PTGER4: variants seen among roughly 807,000 people sequenced by gnomAD.
PTGER4 encodes prostaglandin E receptor 4.
A neutral mutation model predicts 33.2 loss-of-function variants in PTGER4; 11 were observed. The observed-to-expected ratio is 0.33, with a 90% CI of 0.21 to 0.55. The LOEUF (loss-of-function observed/expected upper bound fraction) is 0.55. Among genes scored for constraint, PTGER4 ranks in the 20% least tolerant of loss-of-function variants. PTGER4 has a pLI of 0.92. For missense variants in PTGER4, 481 were observed against 650.2 expected, an observed-to-expected ratio of 0.74 and a Z score of 2.83; for synonymous variants, 275 against 281.5, an observed-to-expected ratio of 0.98 and a Z score of 0.23.
At chr5:40,697,595 A>AC (rs1741642695), downstream of PTGER4, among the ~76,000 whole-genome samples, 1 of 78,990 alleles carries the variant, frequency 1.3e-5, no homozygotes, top group Non-Finnish European at 2.5e-5. Flanking sequence ...AAAAAAAAAC[A>AC]AAAAAACAAA....
At chr5:40,686,042 C>G (rs1434787037) in intron 2 of PTGER4, among the ~76,000 whole-genome samples, 1 of 152,130 alleles carries the variant, frequency 6.6e-6, no homozygotes, top group African/African-American at 2.4e-5. Context: ...GAACCAAGCT[C>G]TCCTACACAC....
At chr5:40,739,013 CAATT>C in the PTGER4 span, among the ~76,000 whole-genome samples, 1 of 152,156 alleles carries the variant, frequency 6.6e-6, no homozygotes, top group East Asian at 1.9e-4. Flanking sequence ...TTCATGTTCT[CAATT>C]AAGCCTTTTA....
At chr5:40,719,128 TCACAGTCA>T in the PTGER4 span, among the ~76,000 whole-genome samples, 3 of 152,150 alleles carry the variant, frequency 2.0e-5, no homozygotes, top group Admixed American at 2.0e-4. Flanking sequence ...AATTCAATAT[TCACAGTCA>T]CACAGCCATC....
At chr5:40,696,012 A>G (rs1279605748), downstream of PTGER4, among the ~76,000 whole-genome samples, 1 of 152,138 alleles carries the variant, frequency 6.6e-6, no homozygotes, top group African/African-American at 2.4e-5. Flanking sequence ...TAGAAACCCA[A>G]TCCCCACCAG....
the PTGER4 span, among the ~76,000 whole-genome samples, chr5:40,717,656 G>A: frequency 6.6e-6 from 1 of 152,214 alleles, no homozygotes; most frequent in African/African-American, 2.4e-5. Context: ...TTCTCTGGGG[G>A]TAAAACTGCC....
intron 2 of PTGER4, chr5:40,685,518 G>A (rs1741301837): frequency 1.0e-6 from 1 of 960,600 alleles, no homozygotes; most frequent in Non-Finnish European, 1.2e-6. Context: ...GACTGGATTT[G>A]TTCAAATAAA....
the PTGER4 span, among the ~76,000 whole-genome samples, chr5:40,733,308 G>C: frequency 5.2e-4 from 79 of 152,176 alleles, no homozygotes; most frequent in South Asian, 1.2e-3. Flanking sequence ...GCATAGTAAA[G>C]GTCCATATAG....
At chr5:40,697,583 C>CAAAAAAAAAAAAAAAAA (rs768811169), downstream of PTGER4, among the ~76,000 whole-genome samples, 2 of 94,756 alleles carry the variant, frequency 2.1e-5, no homozygotes, top group African/African-American at 4.8e-5. Flanking sequence ...AATTCCATCT[C>CAAAAAAAAAAAAAAAAA]AAAAAAAAAA....
the PTGER4 span, among the ~76,000 whole-genome samples, chr5:40,700,854 A>G: frequency 0.67 from 101,857 of 151,954 alleles, 34,304 homozygotes; most frequent in East Asian, 0.8. Context: ...CTGAGCAAGA[A>G]TCTACCAACT....
At chr5:40,722,182 G>A in the PTGER4 span, among the ~76,000 whole-genome samples, 1 of 152,144 alleles carries the variant, frequency 6.6e-6, no homozygotes, top group East Asian at 2.0e-4. Flanking sequence ...TCCAGCCTGG[G>A]TGACAGAGGG....
intron 2 of PTGER4, among the ~76,000 whole-genome samples, chr5:40,687,959 G>T (rs578219919): frequency 3.3e-5 from 5 of 152,234 alleles, no homozygotes; most frequent in African/African-American, 1.2e-4. Flanking sequence ...ATGAGATGAG[G>T]CACAGAAATG....
downstream of PTGER4, among the ~76,000 whole-genome samples, chr5:40,697,226 A>AG (rs1741623004): frequency 6.2e-5 from 7 of 112,614 alleles, no homozygotes; most frequent in South Asian, 3.0e-4. Context: ...AAGAAAGAAG[A>AG]AAAGAAAGAA....
chr5:40,685,551 C>A (rs912327951), intron 2 of PTGER4: 3 of 714,108 alleles, frequency 4.2e-6, no homozygotes, highest in Non-Finnish European at 5.1e-6. Flanking sequence ...TAAAAAATTG[C>A]AATGCCTAGA....
At chr5:40,696,770 A>G, downstream of PTGER4, 1 of 912,794 alleles carries the variant, frequency 1.1e-6, no homozygotes, top group Non-Finnish European at 1.3e-6. Flanking sequence ...TTAGGTAAGT[A>G]TTTCTCTTTC....
chr5:40,700,909 T>G, the PTGER4 span, among the ~76,000 whole-genome samples: 3 of 152,060 alleles, frequency 2.0e-5, no homozygotes, highest in Non-Finnish European at 4.4e-5. Context: ...ACCCCAAAAC[T>G]TCAACACCAA....
intron 2 of PTGER4, among the ~76,000 whole-genome samples, chr5:40,686,448 A>G (rs1741324612): frequency 6.6e-6 from 1 of 152,242 alleles, no homozygotes; most frequent in African/African-American, 2.4e-5. Flanking sequence ...GCAAGCTTCC[A>G]CATATGGGTT....
At position 40,693,044 on chromosome 5, in the gene PTGER4, A is replaced by G. The variant is rs1416676142; in HGVS notation, c.*666A>G. ...TATAAATTTTTAAGAGAAAGAATTT[A>G]GTATTATCAAAGGGATAAAGAAAAA... On this transcript the variant is annotated 3_prime_UTR_variant, in exon 3 of 3. Transcript: ENST00000302472. 2 of 902,722 alleles carry G rather than the reference A, an allele frequency of 2.2e-6. No homozygotes were observed. Among genetic ancestry groups the G allele is most frequent in the Non-Finnish European group, 2.7e-6 (2 of 754,514 alleles). The allele number at this position is 902,722 out of a possible 1,614,324, so 55.9% of individuals were successfully genotyped here. A position where few individuals can be genotyped will look rare whatever the true frequency, so the allele number is the denominator to read the frequency against.
chr5:40,714,130 G>A, the PTGER4 span, among the ~76,000 whole-genome samples: 49 of 152,286 alleles, frequency 3.2e-4, no homozygotes, highest in African/African-American at 1.2e-3. Flanking sequence ...ATTCCATCCT[G>A]AGTCTTGCCT....
the PTGER4 span, among the ~76,000 whole-genome samples, chr5:40,734,924 T>C: frequency 4.2e-3 from 632 of 152,288 alleles, 3 homozygotes; most frequent in African/African-American, 0.014. Flanking sequence ...AGTGACCAAG[T>C]GGCTATTCGG....
Sources: gnomAD v4.1 joint callset for allele counts (sites outside exome capture counted in the v4.1 genomes callset) on GRCh38, gnomAD v4.1.1 for gene constraint, MANE v1.5 for transcripts, NCBI Gene and HGNC (gene_info 2026-07-23, HGNC 2026-07-21) for gene names.